CPD: variants seen among roughly 807,000 people sequenced by gnomAD.
CPD encodes metallocarboxypeptidase D.
A neutral mutation model predicts 138.3 loss-of-function variants in CPD; 69 were observed. The observed-to-expected ratio is 0.50, with a 90% CI of 0.41 to 0.61. The LOEUF (loss-of-function observed/expected upper bound fraction) is 0.61, where lower values mean the gene tolerates loss of function less well. Ranked by LOEUF, CPD falls within the 20% of genes least tolerant of loss-of-function variation. The pLI is 0.00. For synonymous variants in CPD, 651 were observed against 642.1 expected (o/e 1.01, Z -0.21); for missense variants, 1,432 against 1,733.3 (o/e 0.83, Z 3.09).
At chr17:30,392,650 GA>G (rs989160511) in intron 2 of CPD, among the ~76,000 whole-genome samples, 13 of 152,174 alleles carry the variant, frequency 8.5e-5, no homozygotes, top group Admixed American at 8.5e-4. Flanking sequence ...CCTTCAGTTT[GA>G]AAAAACACTA....
At chr17:30,461,080 A>G in intron 17 of CPD, 100 bp from the exon 18 acceptor site, 1 of 866,314 alleles carries the variant, frequency 1.2e-6, no homozygotes, top group Non-Finnish European at 1.7e-6. Flanking sequence ...TACGTCAGCT[A>G]CGTTTTCTTT....
rs961222220 is a variant in CPD, at chr17:30,468,074, G to A, written c.*3260G>A. ...GATATGATTTGGGTCTTTGATTAATGTCAGCTGAACTTGGATTTCTAGTTC... is the reference window on the plus strand; with the variant it reads ...GATATGATTTGGGTCTTTGATTAATATCAGCTGAACTTGGATTTCTAGTTC... On this transcript the variant is annotated 3_prime_UTR_variant, in exon 21 of 21. Transcript: ENST00000225719. 6.6e-6 allele frequency: 1 copy of A among 152,194 alleles called. No individual in the cohort carries two copies. The highest frequency in any genetic ancestry group is 1.5e-5 in the Non-Finnish European group (1 of 67,990). 9.4% of individuals were successfully genotyped at this position (152,194 alleles called of 1,614,324 possible).
At chr17:30,427,051 A>T (rs1047315523) in intron 6 of CPD, among the ~76,000 whole-genome samples, 2 of 152,054 alleles carry the variant, frequency 1.3e-5, no homozygotes, top group African/African-American at 4.8e-5. Context: ...GCATGATGGC[A>T]GGTGCCTGTA....
At position 30,422,710 on chromosome 17, in the gene CPD, A is replaced by T; in HGVS notation, c.1344A>T (p.Lys448Asn). 1.2e-6 allele frequency: 2 copies of T among 1,613,616 alleles called. No homozygotes were observed. The highest frequency in any genetic ancestry group is 1.7e-6 in the Non-Finnish European group (2 of 1,179,752). ...TGACTGTTACTAATGTAGTGGTGAA[A>T]GAAGGACCAGCCACAGAGGTGGATT... ...MPLTVTNVVV[K>N]EGPATEVDFS... The change falls in exon 5 of 21, where the codon AAA becomes AAT. Residue 448 changes from lysine to asparagine, a missense_variant. By Grantham distance (94) the Lys-to-Asn change is moderately conservative. This residue lies in a region of CPD where 160 missense variants were observed against 197.9 expected (regional missense o/e 0.81). Transcript: ENST00000225719.
rs1567887115 is a variant in CPD at position 30,465,459 on chromosome 17, A to C, written c.*645A>C. ...TAAGCAGGATTTCACTACCTCTCTT[A>C]AGGTTTAGCAAACTTCTAAATAGCC... is the stretch of plus-strand genomic sequence containing the variant. On this transcript the variant is annotated 3_prime_UTR_variant, in exon 21 of 21. Coordinates refer to ENST00000225719, the MANE Select transcript of CPD (RefSeq NM_001304.5). 2 of 152,670 alleles carry C rather than the reference A, an allele frequency of 1.3e-5. No homozygotes were observed. The allele number at this position is 152,670 out of a possible 1,614,324, so 9.5% of individuals were successfully genotyped here. A position where few individuals can be genotyped will look rare whatever the true frequency, so the allele number is the denominator to read the frequency against.
intron 2 of CPD, among the ~76,000 whole-genome samples, chr17:30,408,275 G>A (rs553479550): frequency 6.6e-6 from 1 of 152,274 alleles, no homozygotes; most frequent in Non-Finnish European, 1.5e-5. Context: ...GCTTAGGATT[G>A]TCTTGGCTAT....
chr17:30,389,306 A>G (rs1221369544), intron 2 of CPD, among the ~76,000 whole-genome samples: 1 of 152,234 alleles, frequency 6.6e-6, no homozygotes, highest in African/African-American at 2.4e-5. Context: ...GAAGCATTCA[A>G]AAAGAGGTTT....
At position 30,378,946 on chromosome 17, in the gene CPD, G is replaced by A. The variant is rs1425299735; in HGVS notation, c.-35G>A. On this transcript the variant is annotated 5_prime_UTR_variant, in exon 1 of 21. Coordinates refer to ENST00000225719, the MANE Select transcript of CPD (RefSeq NM_001304.5). ...CCCGCCGCCCGGAGCGCTGAGCCGCGGGAGCGGAGCCGGGGTTAGCGGCGC... is the reference window on the plus strand; with the variant it reads ...CCCGCCGCCCGGAGCGCTGAGCCGCAGGAGCGGAGCCGGGGTTAGCGGCGC... 1 of 1,425,056 alleles carries A rather than the reference G, an allele frequency of 7.0e-7. No homozygotes were observed. The highest frequency in any genetic ancestry group is 9.1e-7 in the Non-Finnish European group (1 of 1,103,638). The allele number at this position is 1,425,056 out of a possible 1,614,324, so 88.3% of individuals were successfully genotyped here. A position where few individuals can be genotyped will look rare whatever the true frequency, so the allele number is the denominator to read the frequency against.
chr17:30,436,443 C>T (rs1912701328), intron 8 of CPD, among the ~76,000 whole-genome samples: 1 of 151,922 alleles, frequency 6.6e-6, no homozygotes, highest in South Asian at 2.1e-4. Context: ...ACAAATCATC[C>T]AAGTGAAAAA....
At chr17:30,446,660 C>G (rs941723203) in intron 12 of CPD, among the ~76,000 whole-genome samples, 45 of 152,202 alleles carry the variant, frequency 3.0e-4, no homozygotes, top group African/African-American at 9.4e-4. Context: ...CTTTATAGCA[C>G]CATGATTTAT....
In CPD at chr17:30,407,729, T is replaced by C. The variant is rs571327061; in HGVS notation, c.995-13112T>C. 2.0e-3 allele frequency among the ~76,000 whole-genome samples: 308 copies of C among 152,332 alleles called. No homozygotes were observed. The Middle Eastern group carries it at 0.02, about 10-fold the overall frequency. ...TTCTGGATATTAGCCCTTTGTCAGA[T>C]GGGCAGATTGCAAAAATTTTCTCCC... On this transcript the variant is annotated intron_variant, in intron 2 of 20. Transcript: ENST00000225719.
chr17:30,463,910 T>C (rs1913559327), intron 20 of CPD, among the ~76,000 whole-genome samples: 1 of 152,224 alleles, frequency 6.6e-6, no homozygotes, highest in South Asian at 2.1e-4. Flanking sequence ...TTACTTTTAG[T>C]TTCTAACACT....
At chr17:30,396,119 C>T (rs548290724) in intron 2 of CPD, among the ~76,000 whole-genome samples, 2 of 152,188 alleles carry the variant, frequency 1.3e-5, no homozygotes, top group East Asian at 3.9e-4. Flanking sequence ...CTTAATAACT[C>T]ACTTATTGCC....
rs570839619 is a variant in CPD, at chr17:30,388,408, C to G, written c.994+3172C>G. On this transcript the variant is annotated intron_variant, in intron 2 of 20. Transcript: ENST00000225719. ...GCTAAGGGGCACCTGCAAGCCAGTG[C>G]TGAGTCGCCCTCAGTCCCCAACCTT... 1.0e-3 allele frequency among the ~76,000 whole-genome samples: 152 copies of G among 152,364 alleles called. 1 individual carries two copies. Among genetic ancestry groups the G allele is most frequent in the Admixed American group, 4.0e-3 (62 of 15,310 alleles).
At chr17:30,431,179 C>T (rs1912553991) in intron 7 of CPD, among the ~76,000 whole-genome samples, 1 of 152,120 alleles carries the variant, frequency 6.6e-6, no homozygotes, top group African/African-American at 2.4e-5. Context: ...GAAGTAGGAC[C>T]TCATTTTGGT....
chr17:30,451,156 A>G (rs867446721), intron 13 of CPD, among the ~76,000 whole-genome samples: 1 of 152,234 alleles, frequency 6.6e-6, no homozygotes, highest in Admixed American at 6.5e-5. Context: ...TGGTAAAACT[A>G]GAATTTAAAC....
At position 30,443,831 on chromosome 17, in the gene CPD, A is replaced by G. The variant is rs765284598; in HGVS notation, c.2403A>G (p.Leu801=). ...QVHQGVRGFV[L]DATDGRGILN... is the part of the protein sequence containing the mutation. ...ATCAGGGCGTCAGAGGATTTGTTCTAGATGCCACAGATGGCAGGGGTATAT... is the reference window on the plus strand; with the variant it reads ...ATCAGGGCGTCAGAGGATTTGTTCTGGATGCCACAGATGGCAGGGGTATAT... The change falls in exon 11 of 21, where the codon CTA becomes CTG. Residue 801 remains leucine (L), a synonymous_variant. Transcript: ENST00000225719. 22 of 1,613,568 alleles carry G rather than the reference A, an allele frequency of 1.4e-5. No homozygotes were observed. The highest frequency in any genetic ancestry group is 1.9e-5 in the Non-Finnish European group (22 of 1,179,592).
intron 2 of CPD, among the ~76,000 whole-genome samples, chr17:30,414,860 A>G (rs1284759823): frequency 6.6e-6 from 1 of 152,132 alleles, no homozygotes; most frequent in Non-Finnish European, 1.5e-5. Flanking sequence ...TCAGTTTTGG[A>G]TATGTTAAGT....
Position 30,427,377 on chromosome 17 carries a change from A to T in CPD, c.1850-14A>T. ...AACATGGCTTATATTCAAATCCTTTATCATATCATACAGGAGATTCAATAA... is the reference window on the plus strand; with the variant it reads ...AACATGGCTTATATTCAAATCCTTTTTCATATCATACAGGAGATTCAATAA... On this transcript the variant is annotated splice_polypyrimidine_tract_variant and intron_variant, in intron 6 of 20. Coordinates refer to ENST00000225719, the MANE Select transcript of CPD (RefSeq NM_001304.5). 6.2e-7 allele frequency: 1 copy of T among 1,612,358 alleles called. No homozygotes were observed. Among genetic ancestry groups the T allele is most frequent in the Non-Finnish European group, 8.5e-7 (1 of 1,178,438 alleles).
Sources: gnomAD v4.1 joint callset for allele counts (sites outside exome capture counted in the v4.1 genomes callset) on GRCh38, gnomAD v4.1.1 for gene constraint, gnomAD v4.1.1 regional missense constraint, MANE v1.5 for transcripts, NCBI Gene and HGNC (gene_info 2026-07-23, HGNC 2026-07-21) for gene names.